Variants in CCDC91 observed in about 807,000 individuals in gnomAD.
The protein encoded by CCDC91 is coiled-coil domain-containing protein 91.
Under a neutral mutation model 63.2 loss-of-function variants are expected in CCDC91, and 48 were observed. The ratio of observed to expected loss-of-function variants is 0.76; its 90% CI spans 0.60 to 0.97. CCDC91 has a LOEUF of 0.97. Among genes scored for constraint, CCDC91 ranks in the 50% least tolerant of loss-of-function variants. CCDC91 has a pLI of 0.00. For synonymous variants in CCDC91, 167 were observed against 165.8 expected, an observed-to-expected ratio of 1.01 and a Z score of -0.06; for missense variants, 500 against 494.6, an observed-to-expected ratio of 1.01 and a Z score of -0.10.
chr12:28,499,193 G>A (rs1344892095), intron 12 of CCDC91, among the ~76,000 whole-genome samples: 4 of 151,520 alleles, frequency 2.6e-5, no homozygotes, highest in Non-Finnish European at 5.9e-5. Context: ...CTGCATAGCT[G>A]AAAAATCAAT....
At chr12:28,376,377 C>A (rs1168029357) in intron 7 of CCDC91, among the ~76,000 whole-genome samples, 1 of 151,306 alleles carries the variant, frequency 6.6e-6, no homozygotes, top group Non-Finnish European at 1.5e-5. Context: ...TAACAGAAAC[C>A]AAATGAGTGT....
chr12:28,415,176 C>T lies in CCDC91; in HGVS notation c.762+23765C>T, dbSNP rs376287927. 2.8e-4 allele frequency among the ~76,000 whole-genome samples: 42 copies of T among 150,126 alleles called. No individual in the cohort carries two copies. The East Asian group carries it at 7.4e-3, about 26-fold the overall frequency. On this transcript the variant is annotated intron_variant, in intron 8 of 12. Coordinates refer to ENST00000536442, the MANE Select transcript of CCDC91 (RefSeq NM_018318.5). ...TTCTACTTTCCTTTAAGGCTCTTCT[C>T]TTTAGGTAAATTTTAGAAACCATGT...
intron 12 of CCDC91, among the ~76,000 whole-genome samples, chr12:28,518,857 A>G (rs1055847703): frequency 3.8e-4 from 57 of 151,998 alleles, no homozygotes; most frequent in African/African-American, 1.3e-3. Context: ...ATCCAGTTTC[A>G]TTCTCCTATG....
chr12:28,493,787 C>A (rs572611980), intron 12 of CCDC91, among the ~76,000 whole-genome samples: 8 of 151,752 alleles, frequency 5.3e-5, no homozygotes, highest in East Asian at 1.9e-4. Context: ...CACTCATTGT[C>A]TACAAAGAGG....
chr12:28,293,318 AG>A (rs1394537610), intron 3 of CCDC91, among the ~76,000 whole-genome samples: 1 of 152,230 alleles, frequency 6.6e-6, no homozygotes, highest in African/African-American at 2.4e-5. Context: ...TCAAAGAAAG[AG>A]AAGAAAGAAC....
intron 12 of CCDC91, among the ~76,000 whole-genome samples, chr12:28,515,733 G>A (rs1249536877): frequency 6.6e-6 from 1 of 151,720 alleles, no homozygotes; most frequent in Non-Finnish European, 1.5e-5. Context: ...CATCTACTCA[G>A]AAGCTTACTT....
At chr12:28,411,512 G>T (rs1369232718) in intron 8 of CCDC91, among the ~76,000 whole-genome samples, 1 of 152,108 alleles carries the variant, frequency 6.6e-6, no homozygotes, top group Non-Finnish European at 1.5e-5. Context: ...GTTACAAATA[G>T]AGCTAACTCT....
chr12:28,347,518 T>G (rs1460868445), intron 6 of CCDC91, among the ~76,000 whole-genome samples: 1 of 152,182 alleles, frequency 6.6e-6, no homozygotes, highest in Non-Finnish European at 1.5e-5. Flanking sequence ...CCATTCAGAT[T>G]AGGTACAGTT....
chr12:28,391,645 G>C (rs1490789947), intron 8 of CCDC91, among the ~76,000 whole-genome samples: 2 of 152,086 alleles, frequency 1.3e-5, no homozygotes, highest in African/African-American at 4.8e-5. Context: ...TAATTTATGG[G>C]TTATAATATA....
intron 8 of CCDC91, among the ~76,000 whole-genome samples, chr12:28,427,548 A>G (rs1253611216): frequency 4.0e-5 from 6 of 151,764 alleles, no homozygotes; most frequent in Admixed American, 1.3e-4. Context: ...TTTCATATTT[A>G]TCCTCACTCA....
At chr12:28,256,427 G>T (rs550314415) in intron 1 of CCDC91, among the ~76,000 whole-genome samples, 2 of 148,646 alleles carry the variant, frequency 1.3e-5, no homozygotes, top group Non-Finnish European at 1.5e-5. Context: ...TAAAGCTGCT[G>T]CTCCTTTTTT....
chr12:28,384,754 T>A lies in CCDC91; in HGVS notation c.655-6550T>A, dbSNP rs570823101. 1.1e-4 allele frequency among the ~76,000 whole-genome samples: 16 copies of A among 152,148 alleles called. No individual in the cohort carries two copies. In the East Asian group the frequency reaches 1.9e-3, roughly 18 times the overall value. On this transcript the variant is annotated intron_variant, in intron 7 of 12. Coordinates refer to ENST00000536442, the MANE Select transcript of CCDC91 (RefSeq NM_018318.5). ...TGTACCACTGTGTCTTTTCATGTGA[T>A]TTTGGCCATATTTATTAACCACAGT...
intron 12 of CCDC91, among the ~76,000 whole-genome samples, chr12:28,493,379 A>G (rs1381432294): frequency 6.6e-6 from 1 of 151,794 alleles, no homozygotes; most frequent in Non-Finnish European, 1.5e-5. Flanking sequence ...AGGAATTAGT[A>G]TACCTTTCTG....
At chr12:28,267,090 T>A (rs761109251) in intron 3 of CCDC91, among the ~76,000 whole-genome samples, 2 of 151,874 alleles carry the variant, frequency 1.3e-5, no homozygotes, top group Non-Finnish European at 2.9e-5. Context: ...TATAAGGGTA[T>A]GAAAGAAAAG....
At chr12:28,383,999 T>C (rs1366866027) in intron 7 of CCDC91, among the ~76,000 whole-genome samples, 1 of 152,146 alleles carries the variant, frequency 6.6e-6, no homozygotes, top group East Asian at 1.9e-4. Flanking sequence ...GACCTCCAAA[T>C]TGGCTAAAGA....
rs1349122725 is a variant in CCDC91 at position 28,267,866 on chromosome 12, TATATAATTATATATA to T, written c.109+8427_109+8441del. Reference sequence around the variant, plus strand: ...ATAATTATATAGTAATATATAATTATATATAATTATATATAATTATTATAATTATATATAATTATA... The same window carrying T: ...ATAATTATATAGTAATATATAATTATATTATTATAATTATATATAATTATA... On this transcript the variant is annotated intron_variant, in intron 3 of 12. Coordinates refer to ENST00000536442, the MANE Select transcript of CCDC91 (RefSeq NM_018318.5). Among the ~76,000 whole-genome samples the T allele has an allele frequency of 2.5e-4, 13 of 52,730 alleles. 1 individual carries two copies. In the South Asian group the frequency reaches 4.0e-3, roughly 16 times the overall value. 34.6% of individuals were successfully genotyped at this position (52,730 alleles called of 152,430 possible). A position where few individuals can be genotyped will look rare whatever the true frequency, so the allele number is the denominator to read the frequency against.
intron 12 of CCDC91, among the ~76,000 whole-genome samples, chr12:28,531,823 T>C (rs1340371352): frequency 6.6e-6 from 1 of 152,182 alleles, no homozygotes; most frequent in Non-Finnish European, 1.5e-5. Flanking sequence ...AGTAAATACA[T>C]CAGAATCTCT....
intron 12 of CCDC91, among the ~76,000 whole-genome samples, chr12:28,539,265 T>C (rs1009432597): frequency 6.6e-6 from 1 of 152,194 alleles, no homozygotes; most frequent in African/African-American, 2.4e-5. Context: ...CTTTAATCCA[T>C]CTTGAATTAA....
intron 8 of CCDC91, among the ~76,000 whole-genome samples, chr12:28,448,076 A>T (rs1483752605): frequency 1.3e-5 from 2 of 152,110 alleles, no homozygotes; most frequent in African/African-American, 4.8e-5. Flanking sequence ...TATAGGTAAT[A>T]ATGAGGTATA....
Sources: gnomAD v4.1 joint callset for allele counts (sites outside exome capture counted in the v4.1 genomes callset) on GRCh38, gnomAD v4.1.1 for gene constraint, MANE v1.5 for transcripts, NCBI Gene and HGNC (gene_info 2026-07-23, HGNC 2026-07-21) for gene names.